The following FHIP2A variants were observed in gnomAD, a reference collection of about 807,000 sequenced individuals.
The protein encoded by FHIP2A is FHF complex subunit HOOK interacting protein 2A.
In FHIP2A, 46 loss-of-function variants were observed where a neutral mutation model predicts 93.5. The observed-to-expected ratio is 0.49, with a 90% CI of 0.39 to 0.63. FHIP2A has a LOEUF of 0.63. Among genes scored for constraint, FHIP2A ranks in the 20% least tolerant of loss-of-function variants. FHIP2A has a pLI of 0.00. For missense variants in FHIP2A, 769 were observed against 909.7 expected, an observed-to-expected ratio of 0.85 and a Z score of 1.99; for synonymous variants, 332 against 326.5, an observed-to-expected ratio of 1.02 and a Z score of -0.18.
At chr10:114,834,456 ATAATG>A (rs1244992301) in intron 3 of FHIP2A, among the ~76,000 whole-genome samples, 1 of 152,198 alleles carries the variant, frequency 6.6e-6, no homozygotes, top group African/African-American at 2.4e-5. Context: ...GTTTATCTAA[ATAATG>A]TAAAGTATTT....
intron 14 of FHIP2A, among the ~76,000 whole-genome samples, chr10:114,856,976 A>G (rs1485606334): frequency 6.6e-6 from 1 of 152,176 alleles, no homozygotes; most frequent in Non-Finnish European, 1.5e-5. Context: ...CTGTAGTCCC[A>G]GCTACTCAGG....
chr10:114,858,338 A>C (rs1411506323), intron 14 of FHIP2A, among the ~76,000 whole-genome samples: 1 of 152,202 alleles, frequency 6.6e-6, no homozygotes, highest in Non-Finnish European at 1.5e-5. Flanking sequence ...AATCTGTGTC[A>C]GCCTTAAATT....
At position 114,835,608 on chromosome 10, in the gene FHIP2A, A is replaced by G; in HGVS notation, c.366A>G (p.Leu122=). Residue 122 remains leucine, a synonymous_variant, in exon 4 of 17, where the codon CTA becomes CTG. Transcript: ENST00000369248. Reference sequence around the variant, plus strand: ...TTCTGGGAAGAATCCGGCAGCCACTACTTCCACACATTAACGTGCACAGGC... The same window carrying G: ...TTCTGGGAAGAATCCGGCAGCCACTGCTTCCACACATTAACGTGCACAGGC... The part of the protein sequence containing the change: ...TKLLGRIRQP[L]LPHINVHRPV... 6.2e-7 allele frequency: 1 copy of G among 1,612,996 alleles called. No homozygotes were observed. The highest frequency in any genetic ancestry group is 1.1e-5 in the South Asian group (1 of 90,996).
Position 114,863,626 on chromosome 10 carries a change from C to A in FHIP2A, c.*2086C>A. 1 of 1,278,888 alleles carries A rather than the reference C, an allele frequency of 7.8e-7. No individual in the cohort carries two copies. The highest frequency in any genetic ancestry group is 1.0e-6 in the Non-Finnish European group (1 of 981,818). The allele number at this position is 1,278,888 out of a possible 1,614,324, so 79.2% of individuals were successfully genotyped here. A position where few individuals can be genotyped will look rare whatever the true frequency, so the allele number is the denominator to read the frequency against. On this transcript the variant is annotated 3_prime_UTR_variant, in exon 17 of 17. Transcript: ENST00000369248. ...GTTTCTAAGTTTCTGTTTTTCATCC[C>A]TTCTTTTTTCTTTTATATTTAGTTC...
chr10:114,873,946 AG>A (rs1222063819), intron 16 of FHIP2A, among the ~76,000 whole-genome samples: 7 of 115,722 alleles, frequency 6.0e-5, no homozygotes, highest in African/African-American at 2.1e-4. Flanking sequence ...AATATTCAGG[AG>A]GGGGAAAAAA....
At chr10:114,838,994 A>G (rs2083652419) in intron 5 of FHIP2A, among the ~76,000 whole-genome samples, 2 of 152,182 alleles carry the variant, frequency 1.3e-5, no homozygotes, top group Admixed American at 6.5e-5. Context: ...GCTAGTCAGT[A>G]TGTTCCTTGA....
intron 14 of FHIP2A, among the ~76,000 whole-genome samples, chr10:114,859,048 G>A (rs947603542): frequency 3.3e-5 from 5 of 151,744 alleles, no homozygotes; most frequent in African/African-American, 9.7e-5. Context: ...GTATTACCAA[G>A]TAGGAGAATT....
intron 13 of FHIP2A, among the ~76,000 whole-genome samples, chr10:114,851,714 CAAA>C (rs60649106): frequency 8.5e-5 from 7 of 81,942 alleles, no homozygotes; most frequent in East Asian, 5.3e-4. Context: ...TCCATTTCTG[CAAA>C]AAAAAAAAAA....
At chr10:114,870,543 T>C (rs1278063714) in intron 16 of FHIP2A, among the ~76,000 whole-genome samples, 1 of 152,150 alleles carries the variant, frequency 6.6e-6, no homozygotes, top group Non-Finnish European at 1.5e-5. Context: ...TAAAAAACTT[T>C]CCAGCTAGAC....
intron 13 of FHIP2A, among the ~76,000 whole-genome samples, chr10:114,850,417 A>G (rs1291545181): frequency 4.6e-5 from 7 of 152,190 alleles, no homozygotes; most frequent in Non-Finnish European, 1.0e-4. Context: ...AAGAATATTT[A>G]AATCCCGGCC....
intron 16 of FHIP2A, among the ~76,000 whole-genome samples, chr10:114,889,228 T>C (rs535768450): frequency 6.6e-6 from 1 of 152,144 alleles, no homozygotes; most frequent in African/African-American, 2.4e-5. Flanking sequence ...AGTTTGGAGA[T>C]GGAGAATCAG....
At chr10:114,871,490 G>A (rs1158508974) in intron 16 of FHIP2A, among the ~76,000 whole-genome samples, 2 of 152,136 alleles carry the variant, frequency 1.3e-5, no homozygotes, top group Admixed American at 6.5e-5. Flanking sequence ...CAGCCCCAGT[G>A]GTAGTAGCTG....
intron 16 of FHIP2A, among the ~76,000 whole-genome samples, chr10:114,877,444 A>G (rs1210700366): frequency 6.6e-6 from 1 of 152,092 alleles, no homozygotes; most frequent in African/African-American, 2.4e-5. Flanking sequence ...TCAATCAATT[A>G]TACTGTCAGT....
chr10:114,880,448 G>A (rs1174553040), intron 16 of FHIP2A, among the ~76,000 whole-genome samples: 2 of 152,202 alleles, frequency 1.3e-5, no homozygotes, highest in African/African-American at 4.8e-5. Flanking sequence ...GGGAGGCCAA[G>A]GCAGGCAGAT....
chr10:114,834,123 GA>G (rs937291855), intron 3 of FHIP2A, among the ~76,000 whole-genome samples: 1 of 152,066 alleles, frequency 6.6e-6, no homozygotes, highest in African/African-American at 2.4e-5. Context: ...TGATATATGT[GA>G]AAAAAATTAG....
chr10:114,825,044 C>T (rs2083564972), intron 1 of FHIP2A, among the ~76,000 whole-genome samples: 1 of 152,076 alleles, frequency 6.6e-6, no homozygotes, highest in African/African-American at 2.4e-5. Flanking sequence ...TTTTTCGAGA[C>T]AGGGTCTCTG....
intron 16 of FHIP2A, among the ~76,000 whole-genome samples, chr10:114,888,505 C>T (rs947368929): frequency 6.6e-6 from 1 of 152,200 alleles, no homozygotes; most frequent in African/African-American, 2.4e-5. Flanking sequence ...CTCCCAAGAA[C>T]TGCAAAGTGT....
chr10:114,891,131 C>T (rs901810460), intron 16 of FHIP2A, among the ~76,000 whole-genome samples: 1 of 151,230 alleles, frequency 6.6e-6, no homozygotes, highest in Admixed American at 6.6e-5. Flanking sequence ...GAGTTCAAGG[C>T]TGTAGTGAGC....
At chr10:114,880,680 A>AACACACACACACACACACAC (rs71473073) in intron 16 of FHIP2A, among the ~76,000 whole-genome samples, 3,090 of 144,002 alleles carry the variant, frequency 0.021, 91 homozygotes, top group Admixed American at 0.08. Flanking sequence ...ACTCCATGTC[A>AACACACACACACACACACAC]ACACACACAC....
Sources: gnomAD v4.1 joint callset for allele counts (sites outside exome capture counted in the v4.1 genomes callset) on GRCh38, gnomAD v4.1.1 for gene constraint, MANE v1.5 for transcripts, NCBI Gene and HGNC (gene_info 2026-07-23, HGNC 2026-07-21) for gene names.